The following ENTPD1 variants were observed in gnomAD, a reference collection of about 807,000 sequenced individuals.
ENTPD1 encodes the protein ectonucleoside triphosphate diphosphohydrolase 1.
In ENTPD1, 33 loss-of-function variants were observed where a neutral mutation model predicts 57.0. The observed-to-expected ratio is 0.58, with a 90% CI of 0.44 to 0.77. ENTPD1 has a LOEUF of 0.77. ENTPD1 is among the 30% of genes least tolerant of loss of function. ENTPD1 has a pLI of 0.00. For synonymous variants in ENTPD1, 202 were observed against 218.8 expected, an observed-to-expected ratio of 0.92 and a Z score of 0.68; for missense variants, 501 against 603.4, an observed-to-expected ratio of 0.83 and a Z score of 1.78.
chr10:95,857,713 C>A (rs2098457624), intron 7 of ENTPD1, among the ~76,000 whole-genome samples: 1 of 152,216 alleles, frequency 6.6e-6, no homozygotes, highest in Admixed American at 6.5e-5. Context: ...ATTTACGGAG[C>A]ACTCACATAT....
chr10:95,708,922 A>G (rs1299567071), upstream of ENTPD1, among the ~76,000 whole-genome samples: 1 of 152,232 alleles, frequency 6.6e-6, no homozygotes, highest in Admixed American at 6.5e-5. Context: ...GTAGCAAAAG[A>G]ACAGCGGTGA....
chr10:95,817,537 C>T (rs1044162557), intron 1 of ENTPD1, among the ~76,000 whole-genome samples: 43 of 152,224 alleles, frequency 2.8e-4, no homozygotes, highest in African/African-American at 1.0e-3. Context: ...AGGCAAAGCC[C>T]TCACTAGTGC....
rs1180008467 is a variant in ENTPD1, at chr10:95,860,450, C to T, written c.1075-19C>T. 6.2e-7 allele frequency: 1 copy of T among 1,603,666 alleles called. No individual in the cohort carries two copies. The highest frequency in any genetic ancestry group is 1.7e-5 in the Admixed American group (1 of 59,626). Reference sequence around the variant, plus strand: ...CCTCTGTGTGGAACACAGCCTAAAACTGCGATTTTCTCTTGTAGGCATTTT... The same window carrying T: ...CCTCTGTGTGGAACACAGCCTAAAATTGCGATTTTCTCTTGTAGGCATTTT... On this transcript the variant is annotated intron_variant, in intron 7 of 9. Coordinates refer to ENST00000371205, the MANE Select transcript of ENTPD1 (RefSeq NM_001776.6).
chr10:95,721,051 A>G (rs2097976879), intron 1 of ENTPD1, among the ~76,000 whole-genome samples: 1 of 151,508 alleles, frequency 6.6e-6, no homozygotes, highest in Admixed American at 6.6e-5. Context: ...GTTTTTTTTT[A>G]TGTCTGCAGC....
intron 1 of ENTPD1, among the ~76,000 whole-genome samples, chr10:95,817,212 A>C (rs150386645): frequency 3.9e-5 from 6 of 152,326 alleles, no homozygotes; most frequent in African/African-American, 1.4e-4. Flanking sequence ...GCCATCAAGA[A>C]GTCTAGAAGG....
At chr10:95,751,380 C>A (rs1383615766), upstream of ENTPD1, among the ~76,000 whole-genome samples, 2 of 152,070 alleles carry the variant, frequency 1.3e-5, no homozygotes, top group Non-Finnish European at 2.9e-5. Context: ...TCTAGGAGGA[C>A]CCTGAGGTTG....
At chr10:95,811,837 C>T (rs1229976728) in intron 1 of ENTPD1, among the ~76,000 whole-genome samples, 1 of 152,164 alleles carries the variant, frequency 6.6e-6, no homozygotes, top group African/African-American at 2.4e-5. Flanking sequence ...GACTTTTAGT[C>T]ATTTTTAGTC....
chr10:95,755,837 G>T, upstream of ENTPD1: 1 of 1,511,212 alleles, frequency 6.6e-7, no homozygotes, highest in Non-Finnish European at 8.9e-7. Context: ...CAGCTGAGAT[G>T]ACTTTTTCAA....
chr10:95,832,224 C>T (rs76564170), intron 2 of ENTPD1, among the ~76,000 whole-genome samples: 1,536 of 152,224 alleles, frequency 0.01, 14 homozygotes, highest in Non-Finnish European at 0.017. Flanking sequence ...ACCTCTGCCT[C>T]AGAGTTCTCT....
At chr10:95,711,695 T>A, upstream of ENTPD1, 2 of 466,210 alleles carry the variant, frequency 4.3e-6, no homozygotes, top group Non-Finnish European at 7.9e-6. Context: ...GCATACTCCC[T>A]CCTCAGCCTC....
rs796681281 is a variant in ENTPD1 at position 95,866,716 on chromosome 10, A to G, written c.*333A>G. ...ATATTGACTTTGTCTAGAAGAACTG[A>G]GAGTCTTGAGTCCTGTGATAGGAGG... is the stretch of plus-strand genomic sequence containing the variant. On this transcript the variant is annotated 3_prime_UTR_variant, in exon 10 of 10. Coordinates refer to ENST00000371205, the MANE Select transcript of ENTPD1 (RefSeq NM_001776.6). The G allele has an allele frequency of 1.6e-5, 19 of 1,178,878 alleles. No individual in the cohort carries two copies. In the South Asian group the frequency reaches 2.2e-4, roughly 14 times the overall value. 73.0% of individuals were successfully genotyped at this position (1,178,878 alleles called of 1,614,324 possible).
intron 1 of ENTPD1, among the ~76,000 whole-genome samples, chr10:95,795,970 C>A (rs1428943129): frequency 1.3e-5 from 2 of 152,130 alleles, no homozygotes; most frequent in African/African-American, 4.8e-5. Context: ...GGGTTTACTG[C>A]CCAAACATCT....
chr10:95,867,354 T>A lies in ENTPD1; in HGVS notation c.*971T>A. The A allele has an allele frequency of 1.0e-6, 1 of 985,468 alleles. No homozygotes were observed. The highest frequency in any genetic ancestry group is 1.2e-6 in the Non-Finnish European group (1 of 829,944). 61.0% of individuals were successfully genotyped at this position (985,468 alleles called of 1,614,324 possible). A position where few individuals can be genotyped will look rare whatever the true frequency, so the allele number is the denominator to read the frequency against. On this transcript the variant is annotated 3_prime_UTR_variant, in exon 10 of 10. Coordinates refer to ENST00000371205, the MANE Select transcript of ENTPD1 (RefSeq NM_001776.6). Reference sequence around the variant, plus strand: ...GAACATTTGCATCATCAATACATTGTCTAGAGACAAGACTATCCTGGGTAG... The same window carrying A: ...GAACATTTGCATCATCAATACATTGACTAGAGACAAGACTATCCTGGGTAG...
chr10:95,704,860 TTATATATATA>T, the ENTPD1 span, among the ~76,000 whole-genome samples: 1 of 149,612 alleles, frequency 6.7e-6, no homozygotes, highest in African/African-American at 2.4e-5. Flanking sequence ...TGGTAAAATA[TTATATATATA>T]TATGTATATA....
Position 95,868,776 on chromosome 10 carries a change from C to G in ENTPD1, c.*2393C>G. ...CTCAGCAAGTTGGAATTAGACTTCA[C>G]AAGTCTCCTTCAGAGAACACAAATC... On this transcript the variant is annotated 3_prime_UTR_variant, in exon 10 of 10. Coordinates refer to ENST00000371205, the MANE Select transcript of ENTPD1 (RefSeq NM_001776.6). 1.0e-6 allele frequency: 1 copy of G among 985,370 alleles called. No individual in the cohort carries two copies. Among genetic ancestry groups the G allele is most frequent in the Non-Finnish European group, 1.2e-6 (1 of 829,920 alleles). 61.0% of individuals were successfully genotyped at this position (985,370 alleles called of 1,614,324 possible). A position where few individuals can be genotyped will look rare whatever the true frequency, so the allele number is the denominator to read the frequency against.
chr10:95,873,338 T>C lies in ENTPD1; in HGVS notation c.*6955T>C. 1 of 985,424 alleles carries C rather than the reference T, an allele frequency of 1.0e-6. No homozygotes were observed. The highest frequency in any genetic ancestry group is 1.2e-6 in the Non-Finnish European group (1 of 829,950). The allele number at this position is 985,424 out of a possible 1,614,324, so 61.0% of individuals were successfully genotyped here. A position where few individuals can be genotyped will look rare whatever the true frequency, so the allele number is the denominator to read the frequency against. ...CACTCCTCTTATACAACAATCCAAG[T>C]GTTTCTTTTGTCAGTTGTCTGTGCC... On this transcript the variant is annotated 3_prime_UTR_variant, in exon 10 of 10. Transcript: ENST00000371205.
At chr10:95,834,280 C>T (rs1275158847) in intron 2 of ENTPD1, among the ~76,000 whole-genome samples, 2 of 152,114 alleles carry the variant, frequency 1.3e-5, no homozygotes, top group South Asian at 2.1e-4. Context: ...CCTCATGTAG[C>T]TTACAATCTA....
chr10:95,795,364 T>C (rs2098221903), intron 1 of ENTPD1, among the ~76,000 whole-genome samples: 1 of 152,110 alleles, frequency 6.6e-6, no homozygotes, highest in African/African-American at 2.4e-5. Flanking sequence ...GCTGTGAATA[T>C]TGAGTTATAG....
Position 95,847,498 on chromosome 10 carries a change from AG to A in ENTPD1, c.868del (p.Val290Ter). ...RDPCFHPGYK[K>X]VVNVSDLYKT... ...CCATGCTTTCATCCTGGATATAAGA[AG>A]GTAGTGAACGTAAGTGACCTTTACA... On this transcript the variant is annotated frameshift_variant, in exon 7 of 10. Transcript: ENST00000371205. LOFTEE classifies it high-confidence loss of function. 6.2e-7 allele frequency: 1 copy of A among 1,614,206 alleles called. No individual in the cohort carries two copies. Among genetic ancestry groups the A allele is most frequent in the Non-Finnish European group, 8.5e-7 (1 of 1,180,026 alleles).
Sources: gnomAD v4.1 joint callset for allele counts (sites outside exome capture counted in the v4.1 genomes callset) on GRCh38, gnomAD v4.1.1 for gene constraint, MANE v1.5 for transcripts, NCBI Gene and HGNC (gene_info 2026-07-23, HGNC 2026-07-21) for gene names.